Variants in BRCC3 observed in about 807,000 individuals in gnomAD.
BRCC3 encodes the protein BRCA1/BRCA2-containing complex subunit 3, also known as lys-63-specific deubiquitinase BRCC36.
In BRCC3, 15 loss-of-function variants were observed where a neutral mutation model predicts 28.0. The observed-to-expected ratio is 0.54, with a 90% CI of 0.36 to 0.82. The LOEUF is 0.82. Ranked by LOEUF, BRCC3 falls within the 40% of genes least tolerant of loss-of-function variation. The probability of loss-of-function intolerance (pLI) is 0.01; values close to 1 mark genes in which losing one functional copy is unlikely to be tolerated. For missense variants in BRCC3, 109 were observed against 225.9 expected (o/e 0.48, Z 3.32); for synonymous variants, 66 against 80.3 (o/e 0.82, Z 0.95).
intron 7 of BRCC3, among the ~76,000 whole-genome samples, chrX:155,112,232 G>T (rs782698132): frequency 9.0e-6 from 1 of 111,447 alleles, no homozygotes; most frequent in African/African-American, 3.3e-5. Flanking sequence ...ATGTTCTGGG[G>T]CCATTATTAA....
chrX:155,089,164 G>T lies in BRCC3; in HGVS notation c.404-99G>T. On this transcript the variant is annotated intron_variant, in intron 5 of 10. Coordinates refer to ENST00000330045, the MANE Select transcript of BRCC3 (RefSeq NM_001018055.3). Reference sequence around the variant, plus strand: ...AATCTGAATCCTAGGAAGATTATATGTTGCTGTTATCTTTAAATCTTTAAG... The same window carrying T: ...AATCTGAATCCTAGGAAGATTATATTTTGCTGTTATCTTTAAATCTTTAAG... 2.4e-5 allele frequency: 13 copies of T among 541,869 alleles called. No individual in the cohort carries two copies. In the South Asian group the frequency reaches 4.0e-4, roughly 17 times the overall value. 44.7% of individuals were successfully genotyped at this position (541,869 alleles called of 1,213,427 possible).
At chrX:155,079,182 A>T (rs1186217448) in intron 5 of BRCC3, among the ~76,000 whole-genome samples, 2 of 111,800 alleles carry the variant, frequency 1.8e-5, no homozygotes, top group Non-Finnish European at 3.8e-5. Flanking sequence ...AAGAAGGAGA[A>T]TAACTTGGGG....
intron 7 of BRCC3, chrX:155,099,463 A>G: frequency 8.7e-7 from 1 of 1,154,140 alleles, no homozygotes; most frequent in Non-Finnish European, 1.2e-6. Context: ...AAGTCCCAGA[A>G]AACAATTCCA....
At chrX:155,077,385 A>G (rs2074052816) in intron 4 of BRCC3, 96 bp downstream of exon 4, 1 of 826,891 alleles carries the variant, frequency 1.2e-6, no homozygotes, top group Non-Finnish European at 1.6e-6. Flanking sequence ...TGGTTTCACA[A>G]GTTTTCTTCC....
rs781808889 is a variant in BRCC3 at position 155,073,415 on chromosome X, G to T, written c.179G>T (p.Arg60Leu). The stretch of plus-strand genomic sequence containing the variant: ...TTTGCATATACTGGAACTGAAATGC[G>T]CACAGTTGCTGAAAAGGTATGTGTG... ...SKFAYTGTEM[R>L]TVAEKVDAVR... Residue 60 changes from arginine (R) to leucine (L), a missense_variant, in exon 3 of 11, where the codon CGC (arginine) becomes CTC (leucine). Physicochemically the swap from Arg to Leu is moderately radical, Grantham distance 102. Around this residue, in one of 3 missense-constraint regions of BRCC3, gnomAD observed 58 missense variants for 92.8 expected, o/e 0.63. Coordinates refer to ENST00000330045, the MANE Select transcript of BRCC3 (RefSeq NM_001018055.3). 2 of 1,166,965 alleles carry T rather than the reference G, an allele frequency of 1.7e-6. No individual in the cohort carries two copies. Among genetic ancestry groups the T allele is most frequent in the Non-Finnish European group, 2.3e-6 (2 of 872,739 alleles).
At chrX:155,093,864 A>G (rs2074191866) in intron 7 of BRCC3, among the ~76,000 whole-genome samples, 2 of 108,938 alleles carry the variant, frequency 1.8e-5, no homozygotes, top group African/African-American at 6.7e-5. Context: ...ATTTTGTTCT[A>G]GTTTCGGCTT....
intron 7 of BRCC3, among the ~76,000 whole-genome samples, chrX:155,111,536 G>T (rs1356984114): frequency 1.8e-5 from 2 of 112,011 alleles, no homozygotes; most frequent in Admixed American, 1.9e-4. Context: ...AACAAATGGT[G>T]CTGGGACAGC....
chrX:155,098,895 C>T (rs781915038), intron 7 of BRCC3, among the ~76,000 whole-genome samples: 2 of 111,985 alleles, frequency 1.8e-5, no homozygotes, highest in Non-Finnish European at 3.8e-5. Context: ...ACTTCCCATC[C>T]CAACTAAATT....
chrX:155,115,907 A>G, intron 7 of BRCC3, 150 bp from the exon 8 acceptor site: 2 of 537,078 alleles, frequency 3.7e-6, no homozygotes, highest in Non-Finnish European at 2.9e-6. Context: ...TTTGAACTCT[A>G]TCCACTTTGA....
rs181936604 is a variant in BRCC3 at position 155,087,403 on chromosome X, C to T, written c.404-1860C>T. Reference sequence around the variant, plus strand: ...GGCAGGGTCGGCTCGCTTTGGCAGGCGCCAGGGTGGAGGTACTGAGCTTAC... The same window carrying T: ...GGCAGGGTCGGCTCGCTTTGGCAGGTGCCAGGGTGGAGGTACTGAGCTTAC... On this transcript the variant is annotated intron_variant, in intron 5 of 10. Coordinates refer to ENST00000330045, the MANE Select transcript of BRCC3 (RefSeq NM_001018055.3). Among the ~76,000 whole-genome samples the T allele has an allele frequency of 1.2e-4, 13 of 111,877 alleles. No homozygotes were observed. The East Asian group carries it at 3.7e-3, about 32-fold the overall frequency.
intron 7 of BRCC3, among the ~76,000 whole-genome samples, chrX:155,114,585 T>TAA (rs1200034470): frequency 9.9e-6 from 1 of 101,176 alleles, no homozygotes. Flanking sequence ...TAACCACAAT[T>TAA]AAAAAAAAAA....
At chrX:155,116,261 C>G (rs1276425815) in intron 8 of BRCC3, 73 bp downstream of exon 8, 36 of 1,016,768 alleles carry the variant, frequency 3.5e-5, no homozygotes, top group Non-Finnish European at 4.5e-5. Flanking sequence ...GTCCTTTTCT[C>G]TTTAGCAGCT....
At chrX:155,097,706 G>C (rs1372738036) in intron 7 of BRCC3, among the ~76,000 whole-genome samples, 1 of 112,509 alleles carries the variant, frequency 8.9e-6, no homozygotes, top group African/African-American at 3.2e-5. Flanking sequence ...AAAATGGTAT[G>C]GTAGTTTCTC....
intron 7 of BRCC3, 136 bp from the exon 8 acceptor site, chrX:155,115,921 T>C: frequency 1.6e-6 from 1 of 611,339 alleles, no homozygotes; most frequent in Admixed American, 3.5e-5. Context: ...ACTTTGAAGT[T>C]GCATCACTAA....
chrX:155,115,764 G>A (rs1356513377), intron 7 of BRCC3, among the ~76,000 whole-genome samples: 1 of 111,888 alleles, frequency 8.9e-6, no homozygotes, highest in Non-Finnish European at 1.9e-5. Context: ...TCCCCTGACT[G>A]GGGAGCAGAC....
At chrX:155,115,966 C>A in intron 7 of BRCC3, 91 bp from the exon 8 acceptor site, 1 of 876,150 alleles carries the variant, frequency 1.1e-6, no homozygotes, top group South Asian at 2.4e-5. Context: ...TTAAAGTATG[C>A]CATATCCCAA....
At chrX:155,106,184 A>G (rs1216119814) in intron 7 of BRCC3, among the ~76,000 whole-genome samples, 1 of 111,554 alleles carries the variant, frequency 9.0e-6, no homozygotes, top group African/African-American at 3.3e-5. Context: ...GTCTTTCGGG[A>G]GTGTTGTTTT....
intron 4 of BRCC3, among the ~76,000 whole-genome samples, chrX:155,078,279 C>G (rs1557293857): frequency 1.8e-5 from 2 of 112,182 alleles, no homozygotes; most frequent in African/African-American, 6.5e-5. Context: ...AACTAATGAG[C>G]ATTTTACAGG....
chrX:155,101,891 T>C (rs1260862428), intron 7 of BRCC3, among the ~76,000 whole-genome samples: 1 of 112,301 alleles, frequency 8.9e-6, no homozygotes. Flanking sequence ...ATTTTCTAGA[T>C]TTTTTTGTAT....
Sources: allele counts gnomAD v4.1 joint callset (sites outside exome capture counted in the v4.1 genomes callset), GRCh38; gene constraint gnomAD v4.1.1; regional missense constraint gnomAD v4.1.1; transcripts MANE v1.5; gene names NCBI Gene and HGNC (gene_info 2026-07-23, HGNC 2026-07-21).